STAT4: variants seen among roughly 807,000 people sequenced by gnomAD.
STAT4 encodes the protein signal transducer and activator of transcription 4.
STAT4 carries 42 observed loss-of-function variants against 110.5 expected under a neutral mutation model. That is an observed-to-expected ratio of 0.38 (90% CI 0.30 to 0.49). The LOEUF (loss-of-function observed/expected upper bound fraction) is 0.49, where lower values mean the gene tolerates loss of function less well. Among genes scored for constraint, STAT4 ranks in the 20% least tolerant of loss-of-function variants. The pLI is 0.95. For missense variants in STAT4, 632 were observed against 887.9 expected (o/e 0.71, Z 3.66); for synonymous variants, 284 against 302.2 (o/e 0.94, Z 0.63).
chr2:191,040,971 C>G, intron 15 of STAT4, 94 bp downstream of exon 15: 1 of 778,858 alleles, frequency 1.3e-6, no homozygotes, highest in African/African-American at 1.8e-5. Context: ...ATGGAATGTA[C>G]TAAAACCTAG....
Position 191,030,793 on chromosome 2 carries a change from C to T in STAT4, c.2220+179G>A, listed in dbSNP as rs112153862. On this transcript the variant is annotated intron_variant, in intron 23 of 23. Transcript: ENST00000392320. This position sits in a 1 kb window ranked among gnomAD's most constrained non-coding sequence, Gnocchi z 4.4. Reference sequence around the variant, plus strand: ...TAACTGAAGGTGTCTGCTTTCAATACGCATAATATCAGCAACACGCAGGAC... The same window carrying T: ...TAACTGAAGGTGTCTGCTTTCAATATGCATAATATCAGCAACACGCAGGAC... 1.8e-5 allele frequency: 10 copies of T among 558,594 alleles called. No individual in the cohort carries two copies. Among genetic ancestry groups the T allele is most frequent in the African/African-American group, 7.6e-5 (4 of 52,594 alleles). The allele number at this position is 558,594 out of a possible 1,614,324, so 34.6% of individuals were successfully genotyped here.
intron 3 of STAT4, among the ~76,000 whole-genome samples, chr2:191,141,582 T>C (rs1181967169): frequency 2.2e-4 from 26 of 120,264 alleles, no homozygotes; most frequent in African/African-American, 7.6e-4. Context: ...TATATATACA[T>C]ATACATATAT....
rs535741467 is a variant in STAT4, at chr2:191,050,184, C to T, written c.1251+4306G>A. Among the ~76,000 whole-genome samples, 5 of 152,330 alleles carry T rather than the reference C, an allele frequency of 3.3e-5. No individual in the cohort carries two copies. Among genetic ancestry groups the T allele is most frequent in the Middle Eastern group, 6.8e-3 (2 of 294 alleles). On this transcript the variant is annotated intron_variant, in intron 14 of 23. Transcript: ENST00000392320. The surrounding 1 kb of genome is among the most constrained non-coding windows in gnomAD (Gnocchi z 4.3). ...AGAGCAAACTGGAGAAACTGCAATT[C>T]CAGCTTCTCTATTCAAACAGTTTTC...
At chr2:191,078,349 T>C (rs1333113781) in intron 3 of STAT4, among the ~76,000 whole-genome samples, 1 of 152,198 alleles carries the variant, frequency 6.6e-6, no homozygotes, top group Non-Finnish European at 1.5e-5. Context: ...TACTTGAACT[T>C]CTTCTACCTT....
chr2:191,064,485 A>T (rs558227298), intron 8 of STAT4, among the ~76,000 whole-genome samples: 1 of 152,220 alleles, frequency 6.6e-6, no homozygotes, highest in Non-Finnish European at 1.5e-5. Flanking sequence ...TATTTTCAAG[A>T]TTTTGAAACT....
intron 7 of STAT4, among the ~76,000 whole-genome samples, chr2:191,065,599 A>G (rs1482317186): frequency 6.6e-6 from 1 of 152,234 alleles, no homozygotes. Flanking sequence ...CTAAAGTAGA[A>G]TAAGATGTCA....
At chr2:191,131,926 TTC>T in intron 3 of STAT4, 1 of 1,354,218 alleles carries the variant, frequency 7.4e-7, no homozygotes, top group Non-Finnish European at 9.5e-7. Flanking sequence ...GGTCTGTTTA[TTC>T]TCTACACTTG....
chr2:191,139,581 A>C (rs1441202952), intron 3 of STAT4, among the ~76,000 whole-genome samples: 1 of 152,214 alleles, frequency 6.6e-6, no homozygotes, highest in East Asian at 1.9e-4. Flanking sequence ...AAACTGCAAA[A>C]TACTGCTGAA....
chr2:191,057,602 CTTTT>C (rs112604744), intron 13 of STAT4, among the ~76,000 whole-genome samples: 1 of 98,594 alleles, frequency 1.0e-5, no homozygotes, highest in African/African-American at 3.8e-5. Flanking sequence ...TTTTCTTTTT[CTTTT>C]TTTTTTTTTT....
rs190017896 is a variant in STAT4 at position 191,030,855 on chromosome 2, T to A, written c.2220+117A>T. 2.4e-5 allele frequency: 21 copies of A among 887,588 alleles called. No homozygotes were observed. The highest frequency in any genetic ancestry group is 3.4e-5 in the Non-Finnish European group (19 of 551,474). The allele number at this position is 887,588 out of a possible 1,614,324, so 55.0% of individuals were successfully genotyped here. On this transcript the variant is annotated intron_variant, in intron 23 of 23. Coordinates refer to ENST00000392320, the MANE Select transcript of STAT4 (RefSeq NM_003151.4). The surrounding 1 kb of genome is among the most constrained non-coding windows in gnomAD (Gnocchi z 4.4). ...CTTTTGTGTTATGCTCATGAATTTG[T>A]TCCAATAAATGTGTTTTCTCCCTAC...
chr2:191,055,852 T>C (rs1305638790), intron 13 of STAT4, among the ~76,000 whole-genome samples: 1 of 152,212 alleles, frequency 6.6e-6, no homozygotes, highest in Non-Finnish European at 1.5e-5. Context: ...TGTGACTTTT[T>C]TGGGAGACAG....
At position 191,083,726 on chromosome 2, in the gene STAT4, T is replaced by G. The variant is rs1280076698; in HGVS notation, c.274-7401A>C. Among the ~76,000 whole-genome samples, 2 of 152,214 alleles carry G rather than the reference T, an allele frequency of 1.3e-5. No homozygotes were observed. On this transcript the variant is annotated intron_variant, in intron 3 of 23. Coordinates refer to ENST00000392320, the MANE Select transcript of STAT4 (RefSeq NM_003151.4). This position sits in a 1 kb window ranked among gnomAD's most constrained non-coding sequence, Gnocchi z 4.6. Reference sequence around the variant, plus strand: ...CTCTCTCCCTTTGCATCACAAATACTGCTGTTGAGTCATTTTTATCTTTAT... The same window carrying G: ...CTCTCTCCCTTTGCATCACAAATACGGCTGTTGAGTCATTTTTATCTTTAT...
In STAT4 at chr2:191,144,974, T is replaced by C. The variant is rs1699426007; in HGVS notation, c.273+1639A>G. Among the ~76,000 whole-genome samples, 5 of 152,280 alleles carry C rather than the reference T, an allele frequency of 3.3e-5. No individual in the cohort carries two copies. The South Asian group carries it at 1.0e-3, about 32-fold the overall frequency. On this transcript the variant is annotated intron_variant, in intron 3 of 23. Transcript: ENST00000392320. This position sits in a 1 kb window ranked among gnomAD's most constrained non-coding sequence, Gnocchi z 4.7. ...TCTTGGTTCCAAAGACCATGCATCA[T>C]CTATTAATATTTTCCCCATCTGTGC...
intron 3 of STAT4, among the ~76,000 whole-genome samples, chr2:191,127,588 GC>G (rs1476516360): frequency 6.6e-6 from 1 of 152,132 alleles, no homozygotes; most frequent in Admixed American, 6.5e-5. Flanking sequence ...TTATGCCTTT[GC>G]CAGTCAACAC....
At position 191,032,842 on chromosome 2, in the gene STAT4, G is replaced by T. The variant is rs1181666476; in HGVS notation, c.2044+116C>A. 4.5e-6 allele frequency: 5 copies of T among 1,107,326 alleles called. No individual in the cohort carries two copies. Among genetic ancestry groups the T allele is most frequent in the Admixed American group, 5.3e-5 (2 of 37,952 alleles). The allele number at this position is 1,107,326 out of a possible 1,614,324, so 68.6% of individuals were successfully genotyped here. A position where few individuals can be genotyped will look rare whatever the true frequency, so the allele number is the denominator to read the frequency against. On this transcript the variant is annotated intron_variant, in intron 21 of 23. Coordinates refer to ENST00000392320, the MANE Select transcript of STAT4 (RefSeq NM_003151.4). This position sits in a 1 kb window ranked among gnomAD's most constrained non-coding sequence, Gnocchi z 4.9. Reference sequence around the variant, plus strand: ...AGGCTTTGACCTCCACATGCCCTTAGATCTTACAGAAATCAGAGTAAACAA... The same window carrying T: ...AGGCTTTGACCTCCACATGCCCTTATATCTTACAGAAATCAGAGTAAACAA...
At chr2:191,076,350 A>G (rs1697319358) in intron 3 of STAT4, 25 bp from the exon 4 acceptor site, 1 of 1,544,594 alleles carries the variant, frequency 6.5e-7, no homozygotes, top group Non-Finnish European at 8.9e-7. Context: ...AATGAGCAAA[A>G]ATAACTAACG....
chr2:191,032,869 A>T lies in STAT4; in HGVS notation c.2044+89T>A, dbSNP rs1391359801. 7.7e-7 allele frequency: 1 copy of T among 1,303,180 alleles called. No homozygotes were observed. The highest frequency in any genetic ancestry group is 1.1e-6 in the Non-Finnish European group (1 of 944,038). The allele number at this position is 1,303,180 out of a possible 1,614,324, so 80.7% of individuals were successfully genotyped here. A position where few individuals can be genotyped will look rare whatever the true frequency, so the allele number is the denominator to read the frequency against. On this transcript the variant is annotated intron_variant, in intron 21 of 23. Transcript: ENST00000392320. This position sits in a 1 kb window ranked among gnomAD's most constrained non-coding sequence, Gnocchi z 4.9. Reference sequence around the variant, plus strand: ...TCTTACAGAAATCAGAGTAAACAAGAAGGGGAACTTCATTTACTTTGCTCC... The same window carrying T: ...TCTTACAGAAATCAGAGTAAACAAGTAGGGGAACTTCATTTACTTTGCTCC...
chr2:191,107,480 A>G lies in STAT4; in HGVS notation c.274-31155T>C, dbSNP rs1445188297. ...ATAATACTATTACTATCCCCATTTT[A>G]CACAGAAGATAAAGAGAGCAAGGTT... On this transcript the variant is annotated intron_variant, in intron 3 of 23. Transcript: ENST00000392320. The surrounding 1 kb of genome is among the most constrained non-coding windows in gnomAD (Gnocchi z 4.2). Among the ~76,000 whole-genome samples the G allele has an allele frequency of 6.6e-6, 1 of 152,226 alleles. No individual in the cohort carries two copies. Among genetic ancestry groups the G allele is most frequent in the African/African-American group, 2.4e-5 (1 of 41,452 alleles).
intron 3 of STAT4, among the ~76,000 whole-genome samples, chr2:191,092,707 T>A (rs1697834848): frequency 6.6e-6 from 1 of 152,176 alleles, no homozygotes; most frequent in Non-Finnish European, 1.5e-5. Context: ...GACAGTGGGT[T>A]CAGCCCACGG....
Sources: allele counts gnomAD v4.1 joint callset (sites outside exome capture counted in the v4.1 genomes callset), GRCh38; gene constraint gnomAD v4.1.1; non-coding constraint Gnocchi (gnomAD v3.1); transcripts MANE v1.5; gene names NCBI Gene and HGNC (gene_info 2026-07-23, HGNC 2026-07-21).